Variants in CDH13 observed in about 807,000 individuals in gnomAD.
The protein encoded by CDH13 is cadherin-13.
A neutral mutation model predicts 63.8 loss-of-function variants in CDH13; 24 were observed. The ratio of observed to expected loss-of-function variants is 0.38; its 90% CI spans 0.27 to 0.53. The LOEUF (loss-of-function observed/expected upper bound fraction) is 0.53, where lower values mean the gene tolerates loss of function less well. Ranked by LOEUF, CDH13 falls within the 20% of genes least tolerant of loss-of-function variation. The pLI, the probability that CDH13 is intolerant of heterozygous loss-of-function variation, is 0.85. For missense variants in CDH13, 1,049 were observed against 903.1 expected, an observed-to-expected ratio of 1.16 and a Z score of -2.07; for synonymous variants, 503 against 355.3, an observed-to-expected ratio of 1.42 and a Z score of -4.67.
intron 2 of CDH13, among the ~76,000 whole-genome samples, chr16:83,004,381 A>C (rs969377323): frequency 6.6e-6 from 1 of 152,226 alleles, no homozygotes; most frequent in African/African-American, 2.4e-5. Context: ...AGCTGTAATA[A>C]AGAATGCTAC....
At chr16:82,749,160 A>G (rs1000076) in intron 1 of CDH13, among the ~76,000 whole-genome samples, 41,058 of 151,362 alleles carry the variant, frequency 0.27, 6,230 homozygotes, top group South Asian at 0.38. Context: ...GCAGAGAGAA[A>G]GAGAGAGAGA....
At position 83,155,930 on chromosome 16, in the gene CDH13, G is replaced by A. The variant is rs75651668; in HGVS notation, c.483+30429G>A. On this transcript the variant is annotated intron_variant, in intron 4 of 13. Coordinates refer to ENST00000567109, the MANE Select transcript of CDH13 (RefSeq NM_001257.5). ...CCCCAGATGCACCCCAATTGCCAGT[G>A]ACCCTGGAATCTTTGGGGAGGACCT... is the stretch of plus-strand genomic sequence containing the variant. Among the ~76,000 whole-genome samples, 867 of 152,298 alleles carry A rather than the reference G, an allele frequency of 5.7e-3. 12 individuals are homozygous for A. The highest frequency in any genetic ancestry group is 0.02 in the African/African-American group (838 of 41,570).
chr16:83,724,818 T>G (rs1020862827), intron 10 of CDH13, among the ~76,000 whole-genome samples: 6 of 152,172 alleles, frequency 3.9e-5, no homozygotes, highest in African/African-American at 1.4e-4. Context: ...GGGGCTATAT[T>G]GTAACCTGCA....
chr16:83,409,245 T>C (rs971008374), intron 6 of CDH13, among the ~76,000 whole-genome samples: 7 of 151,864 alleles, frequency 4.6e-5, no homozygotes, highest in Non-Finnish European at 8.8e-5. Context: ...GAGAAAGATA[T>C]GGGAGCTGGG....
At chr16:83,788,099 G>A (rs1158811210) in intron 13 of CDH13, among the ~76,000 whole-genome samples, 1 of 152,214 alleles carries the variant, frequency 6.6e-6, no homozygotes, top group Non-Finnish European at 1.5e-5. Context: ...GCACGCACGT[G>A]TGTGTACCCA....
intron 1 of CDH13, among the ~76,000 whole-genome samples, chr16:82,856,941 T>C (rs922575154): frequency 5.3e-5 from 8 of 152,170 alleles, no homozygotes; most frequent in African/African-American, 1.2e-4. Flanking sequence ...CCATTCCCCA[T>C]CAGTTATTGG....
intron 8 of CDH13, among the ~76,000 whole-genome samples, chr16:83,653,542 T>G (rs1466944971): frequency 1.3e-5 from 2 of 151,918 alleles, no homozygotes; most frequent in East Asian, 3.9e-4. Flanking sequence ...TTAAAATATA[T>G]AGAGCTCCTA....
chr16:83,042,068 C>G (rs935734371), intron 3 of CDH13, among the ~76,000 whole-genome samples: 2 of 152,164 alleles, frequency 1.3e-5, no homozygotes, highest in Non-Finnish European at 2.9e-5. Flanking sequence ...CTGTTTGAAT[C>G]CTCTGTTTGT....
intron 8 of CDH13, among the ~76,000 whole-genome samples, chr16:83,647,292 G>A (rs1359022563): frequency 1.4e-5 from 2 of 143,230 alleles, no homozygotes; most frequent in African/African-American, 5.3e-5. Context: ...CAGCCTGGGT[G>A]ACAGAGTGAG....
At chr16:83,360,650 A>AT (rs1567616583) in intron 6 of CDH13, among the ~76,000 whole-genome samples, 1 of 152,062 alleles carries the variant, frequency 6.6e-6, no homozygotes, top group Non-Finnish European at 1.5e-5. Flanking sequence ...TGTTATTGCC[A>AT]TTTTTATGTC....
At chr16:83,542,309 T>C (rs1598259647) in intron 7 of CDH13, among the ~76,000 whole-genome samples, 2 of 152,324 alleles carry the variant, frequency 1.3e-5, no homozygotes, top group East Asian at 1.9e-4. Flanking sequence ...ATGAATGTAA[T>C]GTGCAGCCAG....
chr16:83,120,560 A>G (rs1206912727), intron 3 of CDH13, among the ~76,000 whole-genome samples: 1 of 152,176 alleles, frequency 6.6e-6, no homozygotes, highest in Non-Finnish European at 1.5e-5. Flanking sequence ...TTACATCTGC[A>G]CAAAGTTTAC....
intron 1 of CDH13, among the ~76,000 whole-genome samples, chr16:82,628,568 C>T (rs557800681): frequency 6.6e-6 from 1 of 152,304 alleles, no homozygotes; most frequent in South Asian, 2.1e-4. Context: ...AGCCCGCTCC[C>T]AAGCTCCTGA....
At chr16:83,158,534 G>A (rs1011487095) in intron 4 of CDH13, among the ~76,000 whole-genome samples, 1 of 152,224 alleles carries the variant, frequency 6.6e-6, no homozygotes, top group South Asian at 2.1e-4. Context: ...CTGACACTGA[G>A]GAGTGACCAG....
intron 7 of CDH13, among the ~76,000 whole-genome samples, chr16:83,515,862 C>T (rs377574056): frequency 1.3e-5 from 2 of 151,820 alleles, no homozygotes; most frequent in African/African-American, 4.8e-5. Flanking sequence ...TAAAAGATTG[C>T]CTATATATTT....
chr16:83,299,236 C>T (rs1347961728), intron 5 of CDH13, among the ~76,000 whole-genome samples: 2 of 149,402 alleles, frequency 1.3e-5, no homozygotes, highest in Non-Finnish European at 3.0e-5. Flanking sequence ...GGATGTTTCT[C>T]TTTGTTTTAT....
chr16:83,651,291 G>T (rs575536894), intron 8 of CDH13, among the ~76,000 whole-genome samples: 18 of 152,228 alleles, frequency 1.2e-4, no homozygotes, highest in African/African-American at 4.1e-4. Flanking sequence ...TCCTTAAAAT[G>T]ATGTTCAGTG....
At chr16:82,783,316 G>T (rs1227730612) in intron 1 of CDH13, among the ~76,000 whole-genome samples, 2 of 152,186 alleles carry the variant, frequency 1.3e-5, no homozygotes, top group Non-Finnish European at 2.9e-5. Flanking sequence ...AGGGGTCCCT[G>T]GCCACAAAGC....
At chr16:83,379,938 T>TAGAGAGAGAGAGAGAGAGAGAG (rs71148831) in intron 6 of CDH13, among the ~76,000 whole-genome samples, 3 of 123,440 alleles carry the variant, frequency 2.4e-5, no homozygotes, top group Admixed American at 1.7e-4. Flanking sequence ...TATATATATA[T>TAGAGAGAGAGAGAGAGAGAGAG]AGAGAGAGAG....
Sources: allele counts gnomAD v4.1 joint callset (sites outside exome capture counted in the v4.1 genomes callset), GRCh38; gene constraint gnomAD v4.1.1; transcripts MANE v1.5; gene names NCBI Gene and HGNC (gene_info 2026-07-23, HGNC 2026-07-21).